The following SPTSSA variants were observed in gnomAD, a reference collection of about 807,000 sequenced individuals.
The protein encoded by SPTSSA is small subunit of serine palmitoyltransferase A.
SPTSSA carries 8 observed loss-of-function variants against 9.1 expected under a neutral mutation model. The ratio of observed to expected loss-of-function variants is 0.88; its 90% CI spans 0.51 to 1.58. The LOEUF (loss-of-function observed/expected upper bound fraction) is 1.58, where lower values mean the gene tolerates loss of function less well. Ranked by LOEUF, SPTSSA falls within the 40% of genes most tolerant of loss-of-function variation. The pLI is 0.00. For missense variants in SPTSSA, 100 were observed against 93.8 expected, an observed-to-expected ratio of 1.07 and a Z score of -0.27; for synonymous variants, 42 against 37.7, an observed-to-expected ratio of 1.11 and a Z score of -0.41.
intron 1 of SPTSSA, among the ~76,000 whole-genome samples, chr14:34,448,400 T>C (rs935534413): frequency 1.3e-5 from 2 of 152,100 alleles, no homozygotes; most frequent in Non-Finnish European, 1.5e-5. Flanking sequence ...TAAAGATTTA[T>C]GGGGATCACA....
At chr14:34,438,051 C>A (rs927715275) in intron 1 of SPTSSA, among the ~76,000 whole-genome samples, 2 of 152,158 alleles carry the variant, frequency 1.3e-5, no homozygotes, top group African/African-American at 2.4e-5. Flanking sequence ...AATCCTCCCA[C>A]CTCAGCCCCC....
chr14:34,445,757 T>C (rs115307614), intron 1 of SPTSSA, among the ~76,000 whole-genome samples: 2,897 of 152,332 alleles, frequency 0.019, 94 homozygotes, highest in African/African-American at 0.066. Flanking sequence ...TTGTGAATAA[T>C]ACTAATGTAT....
At chr14:34,458,747 A>G (rs778587067) in intron 1 of SPTSSA, among the ~76,000 whole-genome samples, 11 of 149,880 alleles carry the variant, frequency 7.3e-5, no homozygotes, top group Non-Finnish European at 1.3e-4. Flanking sequence ...CGCCCGGCCA[A>G]GATTGACTTT....
At chr14:34,444,624 C>A (rs946674665) in intron 1 of SPTSSA, among the ~76,000 whole-genome samples, 1 of 151,934 alleles carries the variant, frequency 6.6e-6, no homozygotes, top group Admixed American at 6.6e-5. Flanking sequence ...TGGTGGCAGG[C>A]ACCTGTAACC....
chr14:34,462,214 C>G lies in SPTSSA; in HGVS notation c.-7G>C, dbSNP rs781722122. The G allele has an allele frequency of 2.6e-5, 39 of 1,522,566 alleles. No homozygotes were observed. In the Admixed American group the frequency reaches 2.8e-4, roughly 11 times the overall value. 94.3% of individuals were successfully genotyped at this position (1,522,566 alleles called of 1,614,324 possible). On this transcript the variant is annotated 5_prime_UTR_variant, in exon 1 of 2. Coordinates refer to ENST00000298130, the MANE Select transcript of SPTSSA (RefSeq NM_138288.4). ...CCAGCGCCATCCCCGCCATGCGCCT[C>G]CCGCGATGCAGCTCACACGTCAGTC...
chr14:34,458,372 C>A (rs1330417580), intron 1 of SPTSSA, among the ~76,000 whole-genome samples: 3 of 152,054 alleles, frequency 2.0e-5, no homozygotes, highest in Non-Finnish European at 2.9e-5. Flanking sequence ...TTAGTACAGA[C>A]TGAGTTTCAC....
chr14:34,433,960 C>T lies in SPTSSA; in HGVS notation c.*1241G>A, dbSNP rs1468235783. ...CCTGGGCGACAGGGCAAGACTCCGT[C>T]TCAAAAAAAAAAAAACAAAAAAACA... On this transcript the variant is annotated 3_prime_UTR_variant, in exon 2 of 2. Coordinates refer to ENST00000298130, the MANE Select transcript of SPTSSA (RefSeq NM_138288.4). 1.4e-5 allele frequency: 2 copies of T among 145,604 alleles called. No individual in the cohort carries two copies. The highest frequency in any genetic ancestry group is 3.0e-5 in the Non-Finnish European group (2 of 67,398). 9.0% of individuals were successfully genotyped at this position (145,604 alleles called of 1,614,324 possible).
intron 1 of SPTSSA, among the ~76,000 whole-genome samples, chr14:34,442,673 T>G (rs776317187): frequency 6.6e-6 from 1 of 152,230 alleles, no homozygotes. Context: ...TGGTGTTACA[T>G]GTATGCAGGT....
intron 1 of SPTSSA, among the ~76,000 whole-genome samples, chr14:34,435,595 C>CTTCAAATGTTTTTGT: frequency 2.1e-5 from 3 of 144,862 alleles, no homozygotes; most frequent in African/African-American, 7.7e-5. Flanking sequence ...TATCAGACTG[C>CTTCAAATGTTTTTGT]TTCAAATGTT....
intron 1 of SPTSSA, among the ~76,000 whole-genome samples, chr14:34,457,969 C>T (rs1358686844): frequency 2.0e-5 from 2 of 100,982 alleles, no homozygotes; most frequent in Non-Finnish European, 3.7e-5. Flanking sequence ...AAGACTGTCT[C>T]GGAAAAAAAA....
chr14:34,447,333 G>C (rs539230137), intron 1 of SPTSSA, among the ~76,000 whole-genome samples: 2 of 151,648 alleles, frequency 1.3e-5, no homozygotes, highest in South Asian at 4.2e-4. Flanking sequence ...ATGGTGACCC[G>C]GGTAAGGAGC....
Position 34,458,427 on chromosome 14 carries a change from G to A in SPTSSA, c.112+3669C>T, listed in dbSNP as rs192972807. On this transcript the variant is annotated intron_variant, in intron 1 of 1. Coordinates refer to ENST00000298130, the MANE Select transcript of SPTSSA (RefSeq NM_138288.4). ...TCACATTCCTGGACTCCAGCTATCT[G>A]CCCACCGCGGCCTCCCAGAGTGCTG... 2.1e-3 allele frequency among the ~76,000 whole-genome samples: 320 copies of A among 152,090 alleles called. 1 individual carries two copies. The highest frequency in any genetic ancestry group is 7.3e-3 in the African/African-American group (301 of 41,472).
intron 1 of SPTSSA, among the ~76,000 whole-genome samples, chr14:34,461,317 C>A (rs57186368): frequency 2.6e-5 from 4 of 151,980 alleles, no homozygotes; most frequent in African/African-American, 9.7e-5. Context: ...GAGTTATTAA[C>A]TGAAGTTCTC....
In SPTSSA at chr14:34,443,683, C is replaced by G. The variant is rs145721029; in HGVS notation, c.113-8379G>C. On this transcript the variant is annotated intron_variant, in intron 1 of 1. Transcript: ENST00000298130. The stretch of plus-strand genomic sequence containing the variant: ...CCCAAGTAGCTGGGATTACAGGTGC[C>G]CGCCACCACACCCAGGTAATTTTTG... Among the ~76,000 whole-genome samples, 1,063 of 151,906 alleles carry G rather than the reference C, an allele frequency of 7.0e-3. 4 individuals carry two copies. The highest frequency in any genetic ancestry group is 0.011 in the Non-Finnish European group (746 of 67,976).
In SPTSSA at chr14:34,459,106, G is replaced by T. The variant is rs112063843; in HGVS notation, c.112+2990C>A. On this transcript the variant is annotated intron_variant, in intron 1 of 1. Transcript: ENST00000298130. ...TTTTTAAAAATGCATTATATAGCAG[G>T]AAATGTAAACTAATGCATCTATCCT... Among the ~76,000 whole-genome samples the T allele has an allele frequency of 1.5e-3, 233 of 152,006 alleles. 2 individuals carry two copies. Among genetic ancestry groups the T allele is most frequent in the African/African-American group, 4.9e-3 (205 of 41,450 alleles).
At chr14:34,437,799 A>G (rs1466115655) in intron 1 of SPTSSA, among the ~76,000 whole-genome samples, 1 of 152,154 alleles carries the variant, frequency 6.6e-6, no homozygotes. Flanking sequence ...CTAAACTAAT[A>G]AATCCCCTTT....
chr14:34,456,106 G>C (rs557710637), intron 1 of SPTSSA, among the ~76,000 whole-genome samples: 2 of 151,078 alleles, frequency 1.3e-5, no homozygotes, highest in Admixed American at 6.6e-5. Flanking sequence ...GGCGGATCAC[G>C]AGGTCAGGAG....
intron 1 of SPTSSA, among the ~76,000 whole-genome samples, chr14:34,447,437 C>A (rs555236531): frequency 2.6e-5 from 4 of 152,184 alleles, no homozygotes; most frequent in Non-Finnish European, 4.4e-5. Context: ...TGCTTCCATG[C>A]AGCCATCTCT....
At chr14:34,437,166 G>T (rs1883253905) in intron 1 of SPTSSA, among the ~76,000 whole-genome samples, 1 of 152,164 alleles carries the variant, frequency 6.6e-6, no homozygotes, top group African/African-American at 2.4e-5. Context: ...CAGCTACTCT[G>T]GAGGCTGATG....
Sources: gnomAD v4.1 joint callset for allele counts (sites outside exome capture counted in the v4.1 genomes callset) on GRCh38, gnomAD v4.1.1 for gene constraint, MANE v1.5 for transcripts, NCBI Gene and HGNC (gene_info 2026-07-23, HGNC 2026-07-21) for gene names.